Variants in SPPL2A observed in about 807,000 individuals in gnomAD.
SPPL2A encodes the protein signal peptide peptidase like 2A.
SPPL2A carries 51 observed loss-of-function variants against 63.8 expected under a neutral mutation model. The observed-to-expected ratio is 0.80, with a 90% CI of 0.64 to 1.01. The LOEUF is 1.01. Among genes scored for constraint, SPPL2A ranks in the 50% least tolerant of loss-of-function variants. The pLI is 0.00. For missense variants in SPPL2A, 553 were observed against 622.7 expected (o/e 0.89, Z 1.19); for synonymous variants, 188 against 205.8 (o/e 0.91, Z 0.74).
chr15:50,751,884 A>G (rs2062909722), intron 1 of SPPL2A, among the ~76,000 whole-genome samples: 1 of 151,970 alleles, frequency 6.6e-6, no homozygotes, highest in Admixed American at 6.6e-5. Context: ...CTGGAGTGCA[A>G]TGAATGGCAT....
rs2062879791 is a variant in SPPL2A at position 50,748,736 on chromosome 15, T to G, written c.312A>C (p.Ala104=). 6.2e-7 allele frequency: 1 copy of G among 1,611,910 alleles called. No homozygotes were observed. Among genetic ancestry groups the G allele is most frequent in the Admixed American group, 1.7e-5 (1 of 59,450 alleles). The stretch of plus-strand genomic sequence containing the variant: ...ACATTGCTTCAGCACCTCCTTTCTG[T>G]GCAATTCTGGCTTTTTCAAGAAAAT... ...SCHFLEKARI[A]QKGGAEAMLV... Residue 104 remains alanine, a synonymous_variant, in exon 3 of 15, where the codon GCA becomes GCC. Coordinates refer to ENST00000261854, the MANE Select transcript of SPPL2A (RefSeq NM_032802.4).
chr15:50,765,401 G>T, intron 1 of SPPL2A, 67 bp downstream of exon 1: 2 of 1,297,944 alleles, frequency 1.5e-6, no homozygotes. Flanking sequence ...TAGGGGAAGG[G>T]AGCCCCGGCC....
At chr15:50,730,939 C>A in intron 10 of SPPL2A, 26 bp downstream of exon 10, 1 of 906,998 alleles carries the variant, frequency 1.1e-6, no homozygotes, top group Non-Finnish European at 1.8e-6. Context: ...CATGTTTCTT[C>A]ACCCATTTCA....
At chr15:50,728,088 T>C (rs144292323) in intron 10 of SPPL2A, among the ~76,000 whole-genome samples, 48 of 152,332 alleles carry the variant, frequency 3.2e-4, no homozygotes, top group African/African-American at 1.1e-3. Flanking sequence ...GGGGCAGATA[T>C]GTTTATTCAC....
chr15:50,708,133 A>G (rs957802599), intron 14 of SPPL2A, among the ~76,000 whole-genome samples: 1 of 152,152 alleles, frequency 6.6e-6, no homozygotes, highest in Non-Finnish European at 1.5e-5. Flanking sequence ...CCATTTCCCA[A>G]TATGAATACT....
At chr15:50,718,500 T>G (rs2062617924) in intron 14 of SPPL2A, among the ~76,000 whole-genome samples, 1 of 152,154 alleles carries the variant, frequency 6.6e-6, no homozygotes, top group Admixed American at 6.5e-5. Flanking sequence ...TTTTTAAAAA[T>G]CTATAAAAAA....
chr15:50,723,332 G>A (rs932271095), intron 12 of SPPL2A, among the ~76,000 whole-genome samples: 1 of 152,160 alleles, frequency 6.6e-6, no homozygotes, highest in Non-Finnish European at 1.5e-5. Flanking sequence ...ACTGAAATCA[G>A]TATGTCAAAG....
chr15:50,720,705 A>G (rs2062639520), intron 13 of SPPL2A, among the ~76,000 whole-genome samples: 1 of 151,908 alleles, frequency 6.6e-6, no homozygotes, highest in Admixed American at 6.6e-5. Context: ...TTTTTAGCAG[A>G]GACTGGGTTT....
chr15:50,757,916 G>C (rs1297881642), intron 1 of SPPL2A, among the ~76,000 whole-genome samples: 1 of 151,028 alleles, frequency 6.6e-6, no homozygotes, highest in Non-Finnish European at 1.5e-5. Context: ...CCCAGGAGGT[G>C]GAAGTTGCAG....
At chr15:50,708,898 G>T (rs12912921) in intron 14 of SPPL2A, among the ~76,000 whole-genome samples, 1 of 151,656 alleles carries the variant, frequency 6.6e-6, no homozygotes, top group Non-Finnish European at 1.5e-5. Flanking sequence ...TTAGCCAGGC[G>T]TGGTGGCAAG....
At chr15:50,709,542 A>T (rs1204311801) in intron 14 of SPPL2A, among the ~76,000 whole-genome samples, 1 of 152,202 alleles carries the variant, frequency 6.6e-6, no homozygotes, top group African/African-American at 2.4e-5. Context: ...CTGTAATCTC[A>T]GCACTTTGGG....
intron 14 of SPPL2A, among the ~76,000 whole-genome samples, chr15:50,708,616 GA>G (rs1345208522): frequency 6.6e-5 from 10 of 150,572 alleles, no homozygotes. Flanking sequence ...TGAGGCAGGA[GA>G]ATTGCTTGAA....
intron 1 of SPPL2A, among the ~76,000 whole-genome samples, chr15:50,753,306 G>T (rs1351560326): frequency 1.3e-5 from 2 of 152,172 alleles, no homozygotes; most frequent in Non-Finnish European, 2.9e-5. Flanking sequence ...GCTATTAAAA[G>T]AAAAGAACAT....
chr15:50,728,536 C>T (rs4445841), intron 10 of SPPL2A, among the ~76,000 whole-genome samples: 84,451 of 151,514 alleles, frequency 0.56, 23,692 homozygotes, highest in African/African-American at 0.61. Flanking sequence ...TTAGTAGAGA[C>T]GGGGTTTCAC....
intron 8 of SPPL2A, among the ~76,000 whole-genome samples, chr15:50,733,140 A>G (rs1420025141): frequency 1.3e-5 from 2 of 152,200 alleles, no homozygotes; most frequent in African/African-American, 2.4e-5. Context: ...GCTCTAGAAA[A>G]CAGCTGTTAA....
rs746040519 is a variant in SPPL2A at position 50,722,159 on chromosome 15, C to A, written c.1292G>T (p.Gly431Val). 1 of 1,599,930 alleles carries A rather than the reference C, an allele frequency of 6.3e-7. No homozygotes were observed. Among genetic ancestry groups the A allele is most frequent in the Non-Finnish European group, 8.5e-7 (1 of 1,170,516 alleles). ...CGAAACATAGTATATGTAAGAAGAACCAGTCTGAACATCAAATCTTCTACA... is the reference window on the plus strand; with the variant it reads ...CGAAACATAGTATATGTAAGAAGAAACAGTCTGAACATCAAATCTTCTACA... ...AYCRRFDVQT[G>V]SSYIYYVSST... is the part of the protein sequence containing the mutation. The change falls in exon 13 of 15, where the codon GGT becomes GTT. Residue 431 changes from glycine to valine, a missense_variant. Transcript: ENST00000261854.
intron 6 of SPPL2A, among the ~76,000 whole-genome samples, chr15:50,737,002 C>G (rs1446149308): frequency 6.6e-6 from 1 of 151,944 alleles, no homozygotes; most frequent in Non-Finnish European, 1.5e-5. Flanking sequence ...CAATCTTTAC[C>G]TCCTGGGCTC....
At chr15:50,731,137 T>G (rs1421476978) in intron 9 of SPPL2A, 98 bp from the exon 10 acceptor site, 1 of 572,102 alleles carries the variant, frequency 1.7e-6, no homozygotes, top group African/African-American at 1.9e-5. Flanking sequence ...TGAATATACA[T>G]TTAAATATTA....
rs1033587571 is a variant in SPPL2A at position 50,702,281 on chromosome 15, G to T, written c.*5519C>A. The T allele has an allele frequency of 6.6e-6, 1 of 151,980 alleles. No homozygotes were observed. The highest frequency in any genetic ancestry group is 6.6e-5 in the Admixed American group (1 of 15,244). The allele number at this position is 151,980 out of a possible 1,614,324, so 9.4% of individuals were successfully genotyped here. Reference sequence around the variant, plus strand: ...CAAATTCAAATTTTATTTTAAAATAGAATTTATTGAATACCATAGTATATT... The same window carrying T: ...CAAATTCAAATTTTATTTTAAAATATAATTTATTGAATACCATAGTATATT... On this transcript the variant is annotated 3_prime_UTR_variant, in exon 15 of 15. Transcript: ENST00000261854.
Sources: allele counts gnomAD v4.1 joint callset (sites outside exome capture counted in the v4.1 genomes callset), GRCh38; gene constraint gnomAD v4.1.1; transcripts MANE v1.5; gene names NCBI Gene and HGNC (gene_info 2026-07-23, HGNC 2026-07-21).